Variants in NRXN1 observed in about 807,000 individuals in gnomAD.
NRXN1 encodes neurexin-1.
Under a neutral mutation model 150.9 loss-of-function variants are expected in NRXN1, and 39 were observed. The ratio of observed to expected loss-of-function variants is 0.26; its 90% CI spans 0.20 to 0.34. The LOEUF (loss-of-function observed/expected upper bound fraction) is 0.34. Ranked by LOEUF, NRXN1 falls within the 10% of genes least tolerant of loss-of-function variation. The pLI, the probability that NRXN1 is intolerant of heterozygous loss-of-function variation, is 1.00. For synonymous variants in NRXN1, 924 were observed against 757.0 expected (o/e 1.22, Z -3.62); for missense variants, 1,815 against 1,949.9 (o/e 0.93, Z 1.30).
At chr2:50,087,280 T>C (rs527585172) in intron 19 of NRXN1, among the ~76,000 whole-genome samples, 1 of 152,314 alleles carries the variant, frequency 6.6e-6, no homozygotes, top group East Asian at 1.9e-4. Context: ...TACTTTTATG[T>C]AGTATATATC....
intron 18 of NRXN1, among the ~76,000 whole-genome samples, chr2:50,120,392 G>C (rs977294461): frequency 1.1e-4 from 17 of 151,970 alleles, no homozygotes; most frequent in Admixed American, 4.6e-4. Flanking sequence ...GCAAAAAGTA[G>C]ACCTTAGGCC....
intron 21 of NRXN1, among the ~76,000 whole-genome samples, chr2:50,027,386 C>CTCCT (rs1227671931): frequency 5.1e-4 from 75 of 147,456 alleles, no homozygotes; most frequent in African/African-American, 1.8e-3. Flanking sequence ...TCCTTCCTCC[C>CTCCT]TCCCTTCCTT....
At chr2:49,930,631 C>T (rs1669966554) in intron 22 of NRXN1, among the ~76,000 whole-genome samples, 1 of 152,162 alleles carries the variant, frequency 6.6e-6, no homozygotes, top group South Asian at 2.1e-4. Context: ...TTAAATGTTT[C>T]ATCCAATAGT....
At chr2:50,707,355 C>T (rs905192356) in intron 5 of NRXN1, among the ~76,000 whole-genome samples, 2 of 152,090 alleles carry the variant, frequency 1.3e-5, no homozygotes, top group Non-Finnish European at 2.9e-5. Flanking sequence ...GGATGACTTC[C>T]AAGCTAGTTA....
At chr2:50,017,273 A>G (rs1375445876) in intron 21 of NRXN1, among the ~76,000 whole-genome samples, 2 of 152,148 alleles carry the variant, frequency 1.3e-5, no homozygotes, top group African/African-American at 4.8e-5. Context: ...GCCACAACAG[A>G]CACTTATTTC....
At chr2:50,898,569 C>T (rs62140645) in intron 5 of NRXN1, 5 of 477,890 alleles carry the variant, frequency 1.0e-5, no homozygotes, top group South Asian at 3.1e-5. Context: ...GAAAATGAAA[C>T]GGGATATTGT....
Position 51,028,282 on chromosome 2 carries a change from C to T in NRXN1, c.-9G>A. On this transcript the variant is annotated 5_prime_UTR_variant, in exon 2 of 23. Transcript: ENST00000401669. ...AGCAGCGCCGTCCCCATGCTCGGGG[C>T]TGGGGTGCGGCGGGGGGGTGCCGGG... The T allele has an allele frequency of 7.0e-7, 1 of 1,432,912 alleles. No individual in the cohort carries two copies. Among genetic ancestry groups the T allele is most frequent in the Non-Finnish European group, 9.1e-7 (1 of 1,098,222 alleles). The allele number at this position is 1,432,912 out of a possible 1,614,324, so 88.8% of individuals were successfully genotyped here. A position where few individuals can be genotyped will look rare whatever the true frequency, so the allele number is the denominator to read the frequency against.
intron 21 of NRXN1, among the ~76,000 whole-genome samples, chr2:50,011,176 A>G (rs1056175290): frequency 3.3e-5 from 5 of 152,156 alleles, no homozygotes; most frequent in Admixed American, 3.3e-4. Context: ...ATCCCTTGTC[A>G]TGAATGGAAC....
intron 2 of NRXN1, among the ~76,000 whole-genome samples, chr2:50,960,232 A>C (rs1476013266): frequency 6.6e-6 from 1 of 151,908 alleles, no homozygotes; most frequent in African/African-American, 2.4e-5. Context: ...ATAAGGCATT[A>C]ATTTTCCATA....
At chr2:50,874,663 T>C (rs945760751) in intron 5 of NRXN1, among the ~76,000 whole-genome samples, 1 of 151,784 alleles carries the variant, frequency 6.6e-6, no homozygotes, top group Non-Finnish European at 1.5e-5. Flanking sequence ...GGTCTTACTT[T>C]TACTTCCAAC....
At chr2:50,096,693 T>A (rs927321521) in intron 18 of NRXN1, among the ~76,000 whole-genome samples, 1 of 152,196 alleles carries the variant, frequency 6.6e-6, no homozygotes, top group African/African-American at 2.4e-5. Context: ...AGACTTTCCA[T>A]GGATTCATTA....
chr2:50,890,462 G>A (rs906999246), intron 5 of NRXN1, among the ~76,000 whole-genome samples: 4 of 151,642 alleles, frequency 2.6e-5, no homozygotes, highest in Admixed American at 1.3e-4. Context: ...GACATTTAAG[G>A]AGTGAAAATT....
chr2:50,799,799 T>C (rs1384985864), intron 5 of NRXN1, among the ~76,000 whole-genome samples: 2 of 152,146 alleles, frequency 1.3e-5, no homozygotes, highest in South Asian at 2.1e-4. Context: ...TGTAACTCCA[T>C]GGTAAGTCAA....
chr2:50,702,500 C>A (rs898876055), intron 5 of NRXN1, among the ~76,000 whole-genome samples: 2 of 152,100 alleles, frequency 1.3e-5, no homozygotes, highest in Non-Finnish European at 2.9e-5. Context: ...CAATATAACT[C>A]AAAGAAGAAC....
chr2:50,692,358 TGCTATGTGTTGTATGTTA>T (rs1692202152), intron 5 of NRXN1, among the ~76,000 whole-genome samples: 1 of 152,228 alleles, frequency 6.6e-6, no homozygotes, highest in Non-Finnish European at 1.5e-5. Context: ...CACACTAACA[TGCTATGTGTTGTATGTTA>T]GCAGTAATAT....
chr2:50,353,738 C>T (rs2078590947), intron 17 of NRXN1, among the ~76,000 whole-genome samples: 1 of 152,030 alleles, frequency 6.6e-6, no homozygotes. Flanking sequence ...TTTAATTTGG[C>T]CATATTCTAA....
chr2:50,170,820 A>C (rs987560130), intron 18 of NRXN1, among the ~76,000 whole-genome samples: 2 of 150,046 alleles, frequency 1.3e-5, no homozygotes, highest in African/African-American at 4.9e-5. Flanking sequence ...TGGCCCTTGA[A>C]CAATGTGGGG....
intron 5 of NRXN1, among the ~76,000 whole-genome samples, chr2:50,842,187 C>T (rs1672976823): frequency 6.6e-6 from 1 of 152,192 alleles, no homozygotes; most frequent in Non-Finnish European, 1.5e-5. Context: ...ATTAAATCAT[C>T]ACCCAACACT....
intron 2 of NRXN1, among the ~76,000 whole-genome samples, chr2:50,942,283 C>A (rs1346432795): frequency 6.6e-6 from 1 of 152,188 alleles, no homozygotes; most frequent in East Asian, 1.9e-4. Flanking sequence ...CATGGAGAAC[C>A]TCTACTAGGG....
Sources: allele counts gnomAD v4.1 joint callset (sites outside exome capture counted in the v4.1 genomes callset), GRCh38; gene constraint gnomAD v4.1.1; transcripts MANE v1.5; gene names NCBI Gene and HGNC (gene_info 2026-07-23, HGNC 2026-07-21).